Variants in RAB11FIP4 observed in about 807,000 individuals in gnomAD.
The protein encoded by RAB11FIP4 is RAB11 family interacting protein 4.
In RAB11FIP4, 23 loss-of-function variants were observed where a neutral mutation model predicts 74.3. The observed-to-expected ratio is 0.31, with a 90% CI of 0.22 to 0.44. The LOEUF is 0.44. RAB11FIP4 is among the 20% of genes least tolerant of loss of function. The probability of loss-of-function intolerance (pLI) is 1.00; values close to 1 mark genes in which losing one functional copy is unlikely to be tolerated. For missense variants in RAB11FIP4, 630 were observed against 863.9 expected (o/e 0.73, Z 3.39); for synonymous variants, 360 against 359.9 (o/e 1.00, Z 0.00).
chr17:31,523,784 TCA>T, intron 8 of RAB11FIP4, 107 bp from the exon 9 acceptor site: 1 of 1,017,502 alleles, frequency 9.8e-7, no homozygotes, highest in Non-Finnish European at 1.5e-6. Flanking sequence ...ATGACCGTTC[TCA>T]GATACACAGT....
chr17:31,477,561 G>C (rs564105326), intron 3 of RAB11FIP4, among the ~76,000 whole-genome samples: 1 of 152,368 alleles, frequency 6.6e-6, no homozygotes, highest in African/African-American at 2.4e-5. Flanking sequence ...GCAGCCGGCA[G>C]GTCCACAGCA....
chr17:31,460,487 C>T (rs2071624025), intron 3 of RAB11FIP4, among the ~76,000 whole-genome samples: 1 of 152,154 alleles, frequency 6.6e-6, no homozygotes, highest in Admixed American at 6.5e-5. Context: ...TGAGAGGATA[C>T]AGGAGATAAA....
At position 31,536,150 on chromosome 17, in the gene RAB11FIP4, TG is replaced by T. The variant is rs2072958850; in HGVS notation, c.*4419del. 1 of 152,190 alleles carries T rather than the reference TG, an allele frequency of 6.6e-6. No homozygotes were observed. Among genetic ancestry groups the T allele is most frequent in the Admixed American group, 6.5e-5 (1 of 15,278 alleles). The allele number at this position is 152,190 out of a possible 1,614,324, so 9.4% of individuals were successfully genotyped here. On this transcript the variant is annotated 3_prime_UTR_variant, in exon 15 of 15. Coordinates refer to ENST00000621161, the MANE Select transcript of RAB11FIP4 (RefSeq NM_032932.6). ...TGAAACTGGGAGAAATGAAGCCCTC[TG>T]TGTCCTGTGTGTGTGGTGGGGTTTA...
At chr17:31,473,520 G>A (rs185805698) in intron 3 of RAB11FIP4, among the ~76,000 whole-genome samples, 1 of 152,288 alleles carries the variant, frequency 6.6e-6, no homozygotes, top group East Asian at 1.9e-4. Flanking sequence ...CAGCCTGGGC[G>A]ACAGAGTGAG....
chr17:31,457,313 G>A (rs550942401), intron 3 of RAB11FIP4, among the ~76,000 whole-genome samples: 36 of 152,188 alleles, frequency 2.4e-4, no homozygotes, highest in African/African-American at 7.5e-4. Flanking sequence ...GTTCACTGAC[G>A]TTGACTGAGG....
intron 9 of RAB11FIP4, 60 bp from the exon 10 acceptor site, chr17:31,525,024 TGCCACA>T: frequency 6.5e-7 from 1 of 1,543,896 alleles, no homozygotes. Context: ...GGGTCCCCCG[TGCCACA>T]GCCTGGGTTG....
intron 3 of RAB11FIP4, among the ~76,000 whole-genome samples, chr17:31,446,532 T>A (rs576080940): frequency 3.9e-5 from 6 of 152,186 alleles, no homozygotes. Context: ...TTAGGAGGTG[T>A]GGGCTCTTAT....
At chr17:31,400,717 T>A (rs1417934539) in intron 1 of RAB11FIP4, among the ~76,000 whole-genome samples, 4 of 152,146 alleles carry the variant, frequency 2.6e-5, no homozygotes, top group Non-Finnish European at 5.9e-5. Flanking sequence ...GGAGACAAGC[T>A]GCCGTTGCTG....
intron 3 of RAB11FIP4, among the ~76,000 whole-genome samples, chr17:31,477,469 T>C (rs1567669018): frequency 6.6e-6 from 1 of 151,728 alleles, no homozygotes; most frequent in Admixed American, 6.6e-5. Flanking sequence ...GCTGGGAGGG[T>C]GCGAAGCTGA....
chr17:31,460,888 G>A (rs962750520), intron 3 of RAB11FIP4, among the ~76,000 whole-genome samples: 35 of 151,868 alleles, frequency 2.3e-4, no homozygotes, highest in Non-Finnish European at 4.0e-4. Flanking sequence ...GCACCACCAC[G>A]CCCGGCCATG....
At chr17:31,501,049 A>G (rs2072211120) in intron 3 of RAB11FIP4, among the ~76,000 whole-genome samples, 1 of 152,090 alleles carries the variant, frequency 6.6e-6, no homozygotes, top group African/African-American at 2.4e-5. Context: ...AATGGAAATA[A>G]CTTACTTAGA....
chr17:31,530,376 G>GA lies in RAB11FIP4; in HGVS notation c.1705dup (p.Ser569LysfsTer16). ...ACGACGACTTGAATGGGCAGATTTT[G>GA]AGCCTCAGCCTCTACGAAGCAAAAA... On this transcript the variant is annotated frameshift_variant, in exon 14 of 15. Transcript: ENST00000621161. LOFTEE classifies it high-confidence loss of function. 6.2e-7 allele frequency: 1 copy of GA among 1,614,166 alleles called. No homozygotes were observed. The highest frequency in any genetic ancestry group is 8.5e-7 in the Non-Finnish European group (1 of 1,180,026).
intron 3 of RAB11FIP4, among the ~76,000 whole-genome samples, chr17:31,449,371 C>T (rs1371255817): frequency 1.3e-5 from 2 of 152,164 alleles, no homozygotes; most frequent in African/African-American, 4.8e-5. Flanking sequence ...ATAATAATGC[C>T]CTTCCCATGG....
At chr17:31,523,774 A>G in intron 8 of RAB11FIP4, 119 bp from the exon 9 acceptor site, 1 of 991,596 alleles carries the variant, frequency 1.0e-6, no homozygotes, top group Non-Finnish European at 1.6e-6. Flanking sequence ...CACCCCACAC[A>G]TGACCGTTCT....
At chr17:31,402,189 G>GCATCCATC (rs373691832) in intron 1 of RAB11FIP4, among the ~76,000 whole-genome samples, 45 of 103,286 alleles carry the variant, frequency 4.4e-4, no homozygotes, top group African/African-American at 3.1e-3. Flanking sequence ...ATCTGTCCAT[G>GCATCCATC]CATCCATCCA....
intron 3 of RAB11FIP4, among the ~76,000 whole-genome samples, chr17:31,445,571 TATA>T: frequency 1.8e-4 from 2 of 11,388 alleles, no homozygotes; most frequent in Non-Finnish European, 3.1e-4. Flanking sequence ...TATATATATA[TATA>T]TATATTTTTT....
At chr17:31,445,574 ATATATTTTTTTTT>A (rs1166654886) in intron 3 of RAB11FIP4, among the ~76,000 whole-genome samples, 8 of 10,034 alleles carry the variant, frequency 8.0e-4, no homozygotes, top group African/African-American at 1.5e-3. Context: ...ATATATATAT[ATATATTTTTTTTT>A]TTTTTTTTTT....
intron 3 of RAB11FIP4, among the ~76,000 whole-genome samples, chr17:31,509,934 C>G (rs1357413409): frequency 6.6e-6 from 1 of 152,162 alleles, no homozygotes; most frequent in Non-Finnish European, 1.5e-5. Flanking sequence ...CTGGGCAACT[C>G]TCTGTTGAAC....
intron 3 of RAB11FIP4, among the ~76,000 whole-genome samples, chr17:31,482,331 G>A (rs1859051): frequency 0.15 from 23,236 of 151,922 alleles, 2,004 homozygotes; most frequent in South Asian, 0.3. Flanking sequence ...GGTGGCTCAC[G>A]CCTGTAATCC....
Sources: allele counts gnomAD v4.1 joint callset (sites outside exome capture counted in the v4.1 genomes callset), GRCh38; gene constraint gnomAD v4.1.1; transcripts MANE v1.5; gene names NCBI Gene and HGNC (gene_info 2026-07-23, HGNC 2026-07-21).